Variants in EAPP observed in about 807,000 individuals in gnomAD.
EAPP encodes E2F associated phosphoprotein, also known as E2F-associated phosphoprotein.
EAPP carries 38 observed loss-of-function variants against 34.3 expected under a neutral mutation model. That is an observed-to-expected ratio of 1.11 (90% CI 0.85 to 1.45). The LOEUF (loss-of-function observed/expected upper bound fraction) is 1.45, where lower values mean the gene tolerates loss of function less well. Among genes scored for constraint, EAPP ranks in the 40% most tolerant of loss-of-function variants. The pLI is 0.00. For synonymous variants in EAPP, 113 were observed against 117.6 expected (o/e 0.96, Z 0.25); for missense variants, 338 against 343.7 (o/e 0.98, Z 0.13).
intron 2 of EAPP, 102 bp downstream of exon 2, chr14:34,535,992 T>C: frequency 1.3e-6 from 1 of 742,756 alleles, no homozygotes; most frequent in Non-Finnish European, 2.2e-6. Context: ...AAATATTTAT[T>C]GAGCACCTAC....
At chr14:34,522,350 CTG>C (rs983843172) in intron 5 of EAPP, among the ~76,000 whole-genome samples, 16 of 152,218 alleles carry the variant, frequency 1.1e-4, no homozygotes, top group African/African-American at 3.4e-4. Context: ...TTTCTTAAAA[CTG>C]CTATTTTGAA....
intron 5 of EAPP, among the ~76,000 whole-genome samples, chr14:34,519,885 C>CTTT (rs763536134): frequency 3.0e-5 from 4 of 133,690 alleles, no homozygotes; most frequent in South Asian, 2.4e-4. Flanking sequence ...TCTTTCTTTT[C>CTTT]TTTTTTTTTT....
At chr14:34,525,653 G>A (rs1205969810) in intron 4 of EAPP, among the ~76,000 whole-genome samples, 1 of 152,012 alleles carries the variant, frequency 6.6e-6, no homozygotes, top group Non-Finnish European at 1.5e-5. Context: ...ATCCTACACG[G>A]GGTCCTCAAA....
intron 5 of EAPP, among the ~76,000 whole-genome samples, chr14:34,521,985 G>A (rs1226766429): frequency 6.6e-6 from 1 of 152,022 alleles, no homozygotes; most frequent in East Asian, 1.9e-4. Context: ...TAGAGACAGA[G>A]TCTGACTCTG....
rs1298476622 is a variant in EAPP at position 34,539,615 on chromosome 14, G to A, written c.14C>T (p.Pro5Leu). Residue 5 changes from proline to leucine, a missense_variant, in exon 1 of 6, where the codon CCG (proline) becomes CTG (leucine). Coordinates refer to ENST00000250454, the MANE Select transcript of EAPP (RefSeq NM_018453.4). Reference sequence around the variant, plus strand: ...AACCGCGTAGGGGTCGTAGTCATCCGGAAGCCGGTTCATGGTGGCCTGCAG... The same window carrying A: ...AACCGCGTAGGGGTCGTAGTCATCCAGAAGCCGGTTCATGGTGGCCTGCAG... MNRL[P>L]DDYDPYAVEE... 1 of 1,576,380 alleles carries A rather than the reference G, an allele frequency of 6.3e-7. No individual in the cohort carries two copies. The highest frequency in any genetic ancestry group is 1.8e-5 in the Admixed American group (1 of 55,416).
rs372207592 is a variant in EAPP, at chr14:34,516,534, T to C, written c.634A>G (p.Ile212Val). 12 of 1,614,002 alleles carry C rather than the reference T, an allele frequency of 7.4e-6. No homozygotes were observed. In the African/African-American group the frequency reaches 1.1e-4, roughly 14 times the overall value. ...YRAMFVMNCSINKEEVLRYKA... is the reference protein window; with the variant it reads ...YRAMFVMNCSVNKEEVLRYKA... ...TATCTTAGAACCTCCTCTTTGTTAA[T>C]AGAACAATTCATTACAAACATTGCT... The change falls in exon 6 of 6, where the codon ATT becomes GTT. Residue 212 changes from isoleucine (I) to valine (V), a missense_variant. Coordinates refer to ENST00000250454, the MANE Select transcript of EAPP (RefSeq NM_018453.4).
At chr14:34,534,942 C>T (rs756478915) in intron 2 of EAPP, among the ~76,000 whole-genome samples, 1 of 151,768 alleles carries the variant, frequency 6.6e-6, no homozygotes, top group African/African-American at 2.4e-5. Context: ...CGGGTTTAAG[C>T]GATTCTCCTG....
In EAPP at chr14:34,529,272, C is replaced by A. The variant is rs554765557; in HGVS notation, c.470+86G>T. The A allele has an allele frequency of 6.1e-5, 60 of 983,994 alleles. 1 individual carries two copies. The South Asian group carries it at 8.0e-4, about 13-fold the overall frequency. 61.0% of individuals were successfully genotyped at this position (983,994 alleles called of 1,614,324 possible). A position where few individuals can be genotyped will look rare whatever the true frequency, so the allele number is the denominator to read the frequency against. ...GTGTGTGTGTTTGTGTAAACATATA[C>A]ACATATATTCAAAATGTGAATGTAG... On this transcript the variant is annotated intron_variant, in intron 4 of 5. Transcript: ENST00000250454.
chr14:34,527,713 C>T (rs921514318), intron 4 of EAPP, among the ~76,000 whole-genome samples: 2 of 152,122 alleles, frequency 1.3e-5, no homozygotes, highest in African/African-American at 4.8e-5. Flanking sequence ...TATAAAAGGT[C>T]ACATACTGTA....
At chr14:34,517,921 TACGCC>T (rs1427576753) in intron 5 of EAPP, among the ~76,000 whole-genome samples, 1 of 151,800 alleles carries the variant, frequency 6.6e-6, no homozygotes, top group Non-Finnish European at 1.5e-5. Context: ...ATTAAAGGTG[TACGCC>T]ACCACACTTG....
chr14:34,534,656 T>G (rs975585731), intron 2 of EAPP, among the ~76,000 whole-genome samples: 1 of 152,068 alleles, frequency 6.6e-6, no homozygotes, highest in Non-Finnish European at 1.5e-5. Context: ...AATAAAATTA[T>G]GCAAGTAAAC....
At chr14:34,517,923 C>T (rs8005596) in intron 5 of EAPP, among the ~76,000 whole-genome samples, 5,474 of 151,812 alleles carry the variant, frequency 0.036, 114 homozygotes, top group Middle Eastern at 0.086. Context: ...TAAAGGTGTA[C>T]GCCACCACAC....
intron 4 of EAPP, among the ~76,000 whole-genome samples, chr14:34,528,409 A>G (rs1335063363): frequency 1.0e-5 from 1 of 100,414 alleles, no homozygotes; most frequent in Non-Finnish European, 2.1e-5. Context: ...CTTCATCCAC[A>G]AAACCCTTTT....
At chr14:34,533,343 T>C in intron 3 of EAPP, 101 bp downstream of exon 3, 2 of 1,032,676 alleles carry the variant, frequency 1.9e-6, no homozygotes, top group Non-Finnish European at 2.9e-6. Context: ...CTGTAATTTC[T>C]TAAAAGACCA....
At chr14:34,521,869 C>T (rs749622442) in intron 5 of EAPP, among the ~76,000 whole-genome samples, 19 of 151,992 alleles carry the variant, frequency 1.3e-4, no homozygotes, top group African/African-American at 2.4e-4. Context: ...CTCCTGACCT[C>T]GTGATCAGCC....
At chr14:34,519,305 C>A (rs369385224) in intron 5 of EAPP, among the ~76,000 whole-genome samples, 9 of 152,074 alleles carry the variant, frequency 5.9e-5, no homozygotes, top group Non-Finnish European at 1.2e-4. Context: ...GAGGTCAAGG[C>A]GGGTGGATCA....
chr14:34,531,679 T>C (rs1158790411), intron 3 of EAPP, among the ~76,000 whole-genome samples: 1 of 152,196 alleles, frequency 6.6e-6, no homozygotes, highest in Non-Finnish European at 1.5e-5. Context: ...AAGTATAATA[T>C]TGTTCTTTAC....
intron 5 of EAPP, among the ~76,000 whole-genome samples, chr14:34,522,530 A>G (rs1160531573): frequency 6.6e-6 from 1 of 152,120 alleles, no homozygotes; most frequent in East Asian, 1.9e-4. Flanking sequence ...TATTTGTTCC[A>G]GTCTTCTCTG....
chr14:34,533,722 G>T (rs960497142), intron 2 of EAPP, among the ~76,000 whole-genome samples, 183 bp from the exon 3 acceptor site: 1 of 152,094 alleles, frequency 6.6e-6, no homozygotes, highest in African/African-American at 2.4e-5. Flanking sequence ...ACAGAGAACT[G>T]GCCCTCCTTA....
Sources: gnomAD v4.1 joint callset for allele counts (sites outside exome capture counted in the v4.1 genomes callset) on GRCh38, gnomAD v4.1.1 for gene constraint, MANE v1.5 for transcripts, NCBI Gene and HGNC (gene_info 2026-07-23, HGNC 2026-07-21) for gene names.